PTPRC: variants seen among roughly 807,000 people sequenced by gnomAD.
PTPRC encodes receptor-type tyrosine-protein phosphatase C.
Under a neutral mutation model 155.9 loss-of-function variants are expected in PTPRC, and 44 were observed. That is an observed-to-expected ratio of 0.28 (90% CI 0.22 to 0.36). PTPRC has a LOEUF of 0.36. PTPRC is among the 10% of genes least tolerant of loss of function. The probability of loss-of-function intolerance (pLI) is 1.00; values close to 1 mark genes in which losing one functional copy is unlikely to be tolerated. For synonymous variants in PTPRC, 525 were observed against 533.1 expected, an observed-to-expected ratio of 0.98 and a Z score of 0.21; for missense variants, 1,401 against 1,564.6, an observed-to-expected ratio of 0.90 and a Z score of 1.76.
chr1:198,736,491 A>G (rs908630948), intron 23 of PTPRC, among the ~76,000 whole-genome samples: 24 of 151,652 alleles, frequency 1.6e-4, no homozygotes, highest in African/African-American at 5.6e-4. Flanking sequence ...CTCCAGGTCC[A>G]TCCATGTTGT....
At chr1:198,750,677 T>C (rs569003544) in intron 29 of PTPRC, 51 bp downstream of exon 29, 19 of 1,593,398 alleles carry the variant, frequency 1.2e-5, no homozygotes. Flanking sequence ...TAAAACGTCA[T>C]TCTCTAGTCT....
At chr1:198,667,211 C>T (rs1046255254) in intron 2 of PTPRC, 2 of 152,164 alleles carry the variant, frequency 1.3e-5, no homozygotes, top group Non-Finnish European at 2.9e-5. Context: ...TTTGTCTACA[C>T]TTATTGGCCA....
At chr1:198,700,720 G>T (rs1457414975) in intron 5 of PTPRC, among the ~76,000 whole-genome samples, 3 of 152,186 alleles carry the variant, frequency 2.0e-5, no homozygotes, top group Non-Finnish European at 4.4e-5. Flanking sequence ...AGTCTGCTCT[G>T]TCCTGATCAA....
chr1:198,687,007 TTG>T (rs2102350488), intron 2 of PTPRC, among the ~76,000 whole-genome samples: 2 of 152,242 alleles, frequency 1.3e-5, no homozygotes, highest in African/African-American at 4.8e-5. Context: ...GTTGTTGTTG[TTG>T]TTGTTGTTGT....
rs916516688 is a variant in PTPRC, at chr1:198,726,054, A to G, written c.1721-2286A>G. Among the ~76,000 whole-genome samples, 4 of 152,310 alleles carry G rather than the reference A, an allele frequency of 2.6e-5. No homozygotes were observed. In the East Asian group the frequency reaches 7.7e-4, roughly 29 times the overall value. On this transcript the variant is annotated intron_variant, in intron 15 of 32. Transcript: ENST00000442510. ...GCAAGCTTTATCTGAAGACTTGGCTATTTTATTAAGTTTGTTGAGAAAAGT... is the reference window on the plus strand; with the variant it reads ...GCAAGCTTTATCTGAAGACTTGGCTGTTTTATTAAGTTTGTTGAGAAAAGT...
intron 26 of PTPRC, among the ~76,000 whole-genome samples, chr1:198,744,409 C>T (rs1236968344): frequency 6.6e-6 from 1 of 151,806 alleles, no homozygotes; most frequent in African/African-American, 2.4e-5. Context: ...TTTCTTTAGA[C>T]CCAGAAATCT....
chr1:198,683,660 C>T (rs1485765409), intron 2 of PTPRC, among the ~76,000 whole-genome samples: 1 of 152,076 alleles, frequency 6.6e-6, no homozygotes, highest in Admixed American at 6.5e-5. Flanking sequence ...CGTTACCCCA[C>T]AAACCTACTA....
Position 198,709,794 on chromosome 1 carries a change from G to C in PTPRC, c.1141G>C (p.Ala381Pro). The change falls in exon 11 of 33, where the codon GCA (alanine) becomes CCA (proline). Residue 381 changes from alanine to proline, a missense_variant. Ala to Pro is a conservative substitution (Grantham distance 27). This residue lies in a region of PTPRC where 867 missense variants were observed against 970.4 expected (regional missense o/e 0.89). Coordinates refer to ENST00000442510, the MANE Select transcript of PTPRC (RefSeq NM_002838.5). The part of the protein sequence containing the change: ...ILYNNHKFTN[A>P]SKIIKTDFGS... ...CTATAATAACCACAAGTTTACTAAC[G>C]CAAGTAAAATTATTAAAACAGATTT... is the stretch of plus-strand genomic sequence containing the variant. 6.2e-7 allele frequency: 1 copy of C among 1,612,296 alleles called. No homozygotes were observed. The highest frequency in any genetic ancestry group is 8.5e-7 in the Non-Finnish European group (1 of 1,179,096).
chr1:198,690,409 T>C (rs1665864425), intron 2 of PTPRC, among the ~76,000 whole-genome samples: 1 of 151,714 alleles, frequency 6.6e-6, no homozygotes, highest in Non-Finnish European at 1.5e-5. Flanking sequence ...AACAGAAAGA[T>C]AAAAGCTAAC....
At chr1:198,720,465 G>A (rs1028877801) in intron 14 of PTPRC, among the ~76,000 whole-genome samples, 4 of 152,100 alleles carry the variant, frequency 2.6e-5, no homozygotes, top group Non-Finnish European at 5.9e-5. Context: ...AAGAAGCTGG[G>A]ATTACAGGCA....
chr1:198,644,510 T>C (rs1377553500), intron 2 of PTPRC, among the ~76,000 whole-genome samples: 2 of 151,934 alleles, frequency 1.3e-5, no homozygotes, highest in Non-Finnish European at 2.9e-5. Context: ...AAATATTTAA[T>C]CTTCATTCCT....
At chr1:198,742,198 T>C (rs774096322) in intron 24 of PTPRC, 34 bp from the exon 25 acceptor site, 2 of 1,611,992 alleles carry the variant, frequency 1.2e-6, no homozygotes, top group South Asian at 2.2e-5. Flanking sequence ...TTTTCCATGA[T>C]CATGCCTCTG....
chr1:198,735,372 A>G (rs1571881119), intron 23 of PTPRC, 120 bp downstream of exon 23: 1 of 965,922 alleles, frequency 1.0e-6, no homozygotes, highest in Non-Finnish European at 1.5e-6. Context: ...AACCTTTAGG[A>G]TGAAAGCTGT....
intron 2 of PTPRC, among the ~76,000 whole-genome samples, chr1:198,684,205 A>AT (rs940565894): frequency 6.6e-6 from 1 of 150,946 alleles, no homozygotes; most frequent in Non-Finnish European, 1.5e-5. Context: ...GCCTTTATTA[A>AT]TTTTTTTGTC....
At chr1:198,708,112 A>G in intron 9 of PTPRC, 21 bp from the exon 10 acceptor site, 1 of 1,591,394 alleles carries the variant, frequency 6.3e-7, no homozygotes, top group Middle Eastern at 1.7e-4. Flanking sequence ...AATCAAGTTT[A>G]TTTCTGTATC....
chr1:198,706,596 A>G, intron 8 of PTPRC, 138 bp from the exon 9 acceptor site: 1 of 857,016 alleles, frequency 1.2e-6, no homozygotes, highest in Non-Finnish European at 1.8e-6. Flanking sequence ...AAAAAATGAT[A>G]TGGAGGCACC....
intron 2 of PTPRC, among the ~76,000 whole-genome samples, chr1:198,681,480 G>C (rs12092133): frequency 0.017 from 2,546 of 152,214 alleles, 66 homozygotes; most frequent in African/African-American, 0.058. Flanking sequence ...TGGTAGGGTC[G>C]TATTTCATAT....
At position 198,754,369 on chromosome 1, in the gene PTPRC, C is replaced by G. The variant is rs141995021; in HGVS notation, c.3610C>G (p.Leu1204Val). Residue 1204 changes from leucine to valine, a missense_variant, in exon 32 of 33, where the codon CTA becomes GTA. By Grantham distance (32) the Leu-to-Val change is conservative (BLOSUM62 1). Around this residue, in one of 3 missense-constraint regions of PTPRC, gnomAD observed 400 missense variants for 389.5 expected, o/e 1.03. Transcript: ENST00000442510. Reference protein sequence around the residue: ...VVDIFQVVKALRKARPGMVST... With the variant: ...VVDIFQVVKAVRKARPGMVST... Reference sequence around the variant, plus strand: ...GGATATTTTTCAAGTGGTAAAAGCTCTACGCAAAGCTAGGCCAGGCATGGT... The same window carrying G: ...GGATATTTTTCAAGTGGTAAAAGCTGTACGCAAAGCTAGGCCAGGCATGGT... The G allele has an allele frequency of 1.2e-6, 2 of 1,613,442 alleles. No homozygotes were observed. The highest frequency in any genetic ancestry group is 1.7e-6 in the Non-Finnish European group (2 of 1,179,680).
In PTPRC at chr1:198,704,340, T is replaced by G. The variant is rs1005889357; in HGVS notation, c.659-132T>G. On this transcript the variant is annotated intron_variant, in intron 7 of 32. Transcript: ENST00000442510. ...ATGAAAACCTGTACTAGGCAAATCC[T>G]TCATATTCTGTTAAATCTAACTAGA... 1.0e-5 allele frequency: 15 copies of G among 1,502,758 alleles called. No homozygotes were observed. The African/African-American group carries it at 2.1e-4, about 21-fold the overall frequency. The allele number at this position is 1,502,758 out of a possible 1,614,324, so 93.1% of individuals were successfully genotyped here.
Sources: allele counts gnomAD v4.1 joint callset (sites outside exome capture counted in the v4.1 genomes callset), GRCh38; gene constraint gnomAD v4.1.1; regional missense constraint gnomAD v4.1.1; transcripts MANE v1.5; gene names NCBI Gene and HGNC (gene_info 2026-07-23, HGNC 2026-07-21).